UMAD1: variants seen among roughly 807,000 people sequenced by gnomAD.
UMAD1 encodes the protein UBAP1-MVB12-associated (UMA)-domain containing protein 1.
A neutral mutation model predicts 6.1 loss-of-function variants in UMAD1; 8 were observed. The ratio of observed to expected loss-of-function variants is 1.30; its 90% confidence interval spans 0.76 to 2.35. UMAD1 has a LOEUF of 2.35. Ranked by LOEUF, UMAD1 falls within the 30% of genes most tolerant of loss-of-function variation. The pLI is 0.00. For missense variants in UMAD1, 130 were observed against 78.4 expected, an observed-to-expected ratio of 1.66 and a Z score of -2.49; for synonymous variants, 56 against 31.4, an observed-to-expected ratio of 1.78 and a Z score of -2.61.
At chr7:7,849,759 G>A (rs1368632374) in intron 3 of UMAD1, among the ~76,000 whole-genome samples, 1 of 151,616 alleles carries the variant, frequency 6.6e-6, no homozygotes, top group Non-Finnish European at 1.5e-5. Context: ...GGTAAGTACA[G>A]CAAATGAAAT....
intron 2 of UMAD1, among the ~76,000 whole-genome samples, chr7:7,779,517 C>T (rs1782301478): frequency 1.3e-5 from 2 of 152,160 alleles, no homozygotes; most frequent in Admixed American, 1.3e-4. Context: ...GTGATCCTCC[C>T]ACTTTGTTTT....
chr7:7,789,974 T>C lies in UMAD1; in HGVS notation c.83-11696T>C, dbSNP rs80072594. ...GGTTCCTTTGGGAACATTTACTTAG[T>C]GAGCCCCAATCTTCTTACAGAGTTA... is the stretch of plus-strand genomic sequence containing the variant. On this transcript the variant is annotated intron_variant, in intron 2 of 3. Coordinates refer to ENST00000682710, the MANE Select transcript of UMAD1 (RefSeq NM_001302348.2). Among the ~76,000 whole-genome samples, 271 of 152,340 alleles carry C rather than the reference T, an allele frequency of 1.8e-3. 2 individuals carry two copies. Among genetic ancestry groups the C allele is most frequent in the African/African-American group, 6.4e-3 (266 of 41,576 alleles).
intron 2 of UMAD1, among the ~76,000 whole-genome samples, chr7:7,677,642 TTATC>T (rs1185105011): frequency 1.3e-5 from 2 of 151,744 alleles, no homozygotes; most frequent in East Asian, 1.9e-4. Context: ...CACATTTTCT[TTATC>T]TATTCATCTG....
At chr7:7,807,128 GC>G (rs1399024207) in intron 3 of UMAD1, among the ~76,000 whole-genome samples, 1 of 152,062 alleles carries the variant, frequency 6.6e-6, no homozygotes, top group Non-Finnish European at 1.5e-5. Flanking sequence ...GGAAAATTTA[GC>G]AAATCACTGT....
chr7:7,746,904 T>C (rs939115060), intron 2 of UMAD1, among the ~76,000 whole-genome samples: 4 of 152,230 alleles, frequency 2.6e-5, no homozygotes, highest in African/African-American at 7.2e-5. Flanking sequence ...GCCCTATAGA[T>C]TTAAGAGATT....
chr7:7,787,049 C>T (rs934735623), intron 2 of UMAD1, among the ~76,000 whole-genome samples: 2 of 152,126 alleles, frequency 1.3e-5, no homozygotes, highest in Non-Finnish European at 2.9e-5. Context: ...CAATAAGGCA[C>T]GTGTCCAGTT....
chr7:7,792,218 T>C (rs1782580025), intron 2 of UMAD1, among the ~76,000 whole-genome samples: 1 of 152,242 alleles, frequency 6.6e-6, no homozygotes, highest in South Asian at 2.1e-4. Flanking sequence ...CTTGTACCCT[T>C]TCCTATATTT....
At chr7:7,831,240 A>G (rs1783460725) in intron 3 of UMAD1, among the ~76,000 whole-genome samples, 1 of 152,152 alleles carries the variant, frequency 6.6e-6, no homozygotes, top group Non-Finnish European at 1.5e-5. Flanking sequence ...CTTATCTTAA[A>G]AGTTGCTGTC....
In UMAD1 at chr7:7,713,275, C is replaced by T. The variant is rs539367624; in HGVS notation, c.82+39822C>T. ...AGGAGAATCACTTGAACCCAGGAGG[C>T]GGAGGTTGTGGTGAGCTGAGATTGC... On this transcript the variant is annotated intron_variant, in intron 2 of 3. Coordinates refer to ENST00000682710, the MANE Select transcript of UMAD1 (RefSeq NM_001302348.2). 9.9e-5 allele frequency among the ~76,000 whole-genome samples: 15 copies of T among 152,056 alleles called. 1 individual carries two copies. In the East Asian group the frequency reaches 2.5e-3, roughly 26 times the overall value.
rs773561185 is a variant in UMAD1 at position 7,877,373 on chromosome 7, C to G, written c.249C>G (p.Ala83=). ...CTCTGGAGAACAGCTCATTAATGGCCGAGCTCCTGAGCGATGTGCCGTTCA... is the reference window on the plus strand; with the variant it reads ...CTCTGGAGAACAGCTCATTAATGGCGGAGCTCCTGAGCGATGTGCCGTTCA... ...GQTLENSSLM[A]ELLSDVPFTL... is the part of the protein sequence containing the mutation. The change falls in exon 4 of 4, where the codon GCC becomes GCG. Residue 83 remains alanine (A), a synonymous_variant. Coordinates refer to ENST00000682710, the MANE Select transcript of UMAD1 (RefSeq NM_001302348.2). The G allele has an allele frequency of 1.4e-6, 1 of 717,510 alleles. No homozygotes were observed. Among genetic ancestry groups the G allele is most frequent in the Non-Finnish European group, 2.6e-6 (1 of 385,112 alleles). The allele number at this position is 717,510 out of a possible 1,614,324, so 44.4% of individuals were successfully genotyped here. A position where few individuals can be genotyped will look rare whatever the true frequency, so the allele number is the denominator to read the frequency against.
rs1784237529 is a variant in UMAD1, at chr7:7,866,826, G to A, written c.157-10455G>A. On this transcript the variant is annotated intron_variant, in intron 3 of 3. Transcript: ENST00000682710. ...GCAAGGAAGAGAATGTGTTTTATAT[G>A]CTACAAGTGGTAGGGAGAGTGTAGT... Among the ~76,000 whole-genome samples the A allele has an allele frequency of 2.0e-5, 3 of 152,170 alleles. No individual in the cohort carries two copies. In the East Asian group the frequency reaches 5.8e-4, roughly 29 times the overall value.
intron 3 of UMAD1, among the ~76,000 whole-genome samples, chr7:7,818,461 T>C (rs1310812649): frequency 1.3e-5 from 2 of 152,042 alleles, no homozygotes; most frequent in African/African-American, 2.4e-5. Flanking sequence ...AAAACCACAA[T>C]GAGATACCGT....
chr7:7,840,512 G>A (rs1783659865), intron 3 of UMAD1, among the ~76,000 whole-genome samples: 1 of 152,252 alleles, frequency 6.6e-6, no homozygotes, highest in East Asian at 1.9e-4. Context: ...GCATTGCCAA[G>A]CCAATAAAAG....
At chr7:7,793,487 C>G (rs1392145467) in intron 2 of UMAD1, among the ~76,000 whole-genome samples, 1 of 152,192 alleles carries the variant, frequency 6.6e-6, no homozygotes, top group Non-Finnish European at 1.5e-5. Flanking sequence ...AAAGCGAGCT[C>G]ATTAACCCTA....
At chr7:7,664,002 G>A (rs1026147920) in intron 1 of UMAD1, among the ~76,000 whole-genome samples, 2 of 152,108 alleles carry the variant, frequency 1.3e-5, no homozygotes, top group Non-Finnish European at 2.9e-5. Flanking sequence ...TCCTAACCTA[G>A]GTCTAAAACA....
chr7:7,668,224 C>T (rs1779519054), intron 1 of UMAD1, among the ~76,000 whole-genome samples: 1 of 152,050 alleles, frequency 6.6e-6, no homozygotes, highest in Non-Finnish European at 1.5e-5. Flanking sequence ...TACTTTACTT[C>T]TTTTACTTAC....
At chr7:7,775,654 C>T (rs576236772) in intron 2 of UMAD1, among the ~76,000 whole-genome samples, 1 of 152,220 alleles carries the variant, frequency 6.6e-6, no homozygotes, top group East Asian at 1.9e-4. Flanking sequence ...CTGACCATAC[C>T]AAATGTTGAT....
chr7:7,685,314 CTT>C (rs34968724), intron 2 of UMAD1, among the ~76,000 whole-genome samples: 1 of 143,718 alleles, frequency 7.0e-6, no homozygotes. Context: ...ACACATTGAT[CTT>C]TTTTTTTTTT....
At chr7:7,833,205 C>T (rs531180455) in intron 3 of UMAD1, among the ~76,000 whole-genome samples, 5 of 152,164 alleles carry the variant, frequency 3.3e-5, no homozygotes, top group African/African-American at 4.8e-5. Context: ...GCTGTGAAAT[C>T]GGGCAGGCCT....
Sources: allele counts gnomAD v4.1 joint callset (sites outside exome capture counted in the v4.1 genomes callset), GRCh38; gene constraint gnomAD v4.1.1; transcripts MANE v1.5; gene names NCBI Gene and HGNC (gene_info 2026-07-23, HGNC 2026-07-21).